The following AGBL1 variants were observed in gnomAD, a reference collection of about 807,000 sequenced individuals.
The protein encoded by AGBL1 is cytosolic carboxypeptidase 4.
AGBL1 carries 130 observed loss-of-function variants against 118.9 expected under a neutral mutation model. The ratio of observed to expected loss-of-function variants is 1.09; its 90% CI spans 0.95 to 1.26. The LOEUF is 1.26. Ranked by LOEUF, AGBL1 falls within the 50% of genes most tolerant of loss-of-function variation. The probability of loss-of-function intolerance (pLI) is 0.00; values close to 1 mark genes in which losing one functional copy is unlikely to be tolerated. For synonymous variants in AGBL1, 555 were observed against 478.9 expected, an observed-to-expected ratio of 1.16 and a Z score of -2.08; for missense variants, 1,584 against 1,298.1, an observed-to-expected ratio of 1.22 and a Z score of -3.38.
chr15:86,153,372 G>T (rs2077142444), intron 3 of AGBL1, among the ~76,000 whole-genome samples: 1 of 152,170 alleles, frequency 6.6e-6, no homozygotes, highest in Non-Finnish European at 1.5e-5. Flanking sequence ...GGACATGGAT[G>T]AAGCTGGAAA....
chr15:86,304,397 C>T (rs993624193), intron 17 of AGBL1, among the ~76,000 whole-genome samples: 10 of 152,152 alleles, frequency 6.6e-5, no homozygotes, highest in African/African-American at 1.2e-4. Flanking sequence ...GAAGTCTTCC[C>T]GGATCATGAT....
chr15:86,881,014 C>T (rs558511451), intron 22 of AGBL1, among the ~76,000 whole-genome samples: 1 of 152,092 alleles, frequency 6.6e-6, no homozygotes, highest in African/African-American at 2.4e-5. Context: ...AGTGCTAGCT[C>T]AGTGTCTGCA....
At chr15:86,726,003 A>G (rs1718270733) in intron 22 of AGBL1, among the ~76,000 whole-genome samples, 1 of 152,192 alleles carries the variant, frequency 6.6e-6, no homozygotes, top group Non-Finnish European at 1.5e-5. Context: ...AAAAGATGGT[A>G]TTTTGTTCAA....
rs150020439 is a variant in AGBL1 at position 86,536,490 on chromosome 15, T to C, written c.2686-9512T>C. ...CACACCTGGCTAATTTTTGTATTTTTAGTAGAAACGGGGTTTCACCATGTT... is the reference window on the plus strand; with the variant it reads ...CACACCTGGCTAATTTTTGTATTTTCAGTAGAAACGGGGTTTCACCATGTT... On this transcript the variant is annotated intron_variant, in intron 19 of 22. Coordinates refer to ENST00000614907, the MANE Select transcript of AGBL1 (RefSeq NM_001386094.1). Among the ~76,000 whole-genome samples, 1,404 of 152,254 alleles carry C rather than the reference T, an allele frequency of 9.2e-3. 25 individuals carry two copies. Among genetic ancestry groups the C allele is most frequent in the African/African-American group, 0.032 (1,311 of 41,536 alleles).
intron 17 of AGBL1, among the ~76,000 whole-genome samples, chr15:86,334,180 A>C (rs2141868701): frequency 6.6e-6 from 1 of 152,318 alleles, no homozygotes; most frequent in South Asian, 2.1e-4. Context: ...TCCCAGCCAG[A>C]GCATTCAGGC....
intron 1 of AGBL1, among the ~76,000 whole-genome samples, chr15:86,112,938 C>G (rs1301842281): frequency 2.6e-5 from 4 of 152,056 alleles, no homozygotes; most frequent in Non-Finnish European, 4.4e-5. Context: ...GAAAGTTTTA[C>G]TTTAGGAAAA....
chr15:86,960,735 T>C (rs2080984478), intron 23 of AGBL1, among the ~76,000 whole-genome samples: 1 of 151,990 alleles, frequency 6.6e-6, no homozygotes, highest in Non-Finnish European at 1.5e-5. Flanking sequence ...CATCCATCAA[T>C]GGACACTTAG....
chr15:86,492,014 A>G (rs1009147585), intron 18 of AGBL1, among the ~76,000 whole-genome samples: 19 of 152,034 alleles, frequency 1.2e-4, no homozygotes, highest in Admixed American at 1.0e-3. Context: ...AGTTGATTTT[A>G]CCTTCATTTT....
chr15:86,094,569 T>C (rs1896234434), intron 1 of AGBL1, among the ~76,000 whole-genome samples: 1 of 152,094 alleles, frequency 6.6e-6, no homozygotes, highest in Non-Finnish European at 1.5e-5. Flanking sequence ...TGATCTGCAA[T>C]GTAGTCACAA....
intron 21 of AGBL1, among the ~76,000 whole-genome samples, chr15:86,595,952 T>C: frequency 6.6e-6 from 1 of 152,032 alleles, no homozygotes; most frequent in Non-Finnish European, 1.5e-5. Flanking sequence ...CATGCATCCC[T>C]GTGGAGTTAG....
chr15:86,610,395 T>G (rs1420618486), intron 21 of AGBL1, among the ~76,000 whole-genome samples: 1 of 152,180 alleles, frequency 6.6e-6, no homozygotes, highest in African/African-American at 2.4e-5. Context: ...AATTAAAATT[T>G]TTAGCATGTG....
chr15:86,749,218 T>C (rs1268945497), intron 22 of AGBL1, among the ~76,000 whole-genome samples: 1 of 152,168 alleles, frequency 6.6e-6, no homozygotes, highest in African/African-American at 2.4e-5. Context: ...CTTGAAGAGG[T>C]CCTTCACATC....
intron 22 of AGBL1, among the ~76,000 whole-genome samples, chr15:86,809,207 T>C (rs1352249404): frequency 6.6e-6 from 1 of 152,148 alleles, no homozygotes; most frequent in Non-Finnish European, 1.5e-5. Flanking sequence ...TGATTCATTC[T>C]AATTTGAATG....
chr15:86,705,352 A>T (rs2142661573), intron 22 of AGBL1, among the ~76,000 whole-genome samples: 1 of 152,312 alleles, frequency 6.6e-6, no homozygotes, highest in African/African-American at 2.4e-5. Flanking sequence ...AGTCTTGGGT[A>T]TGTCTTTATT....
intron 21 of AGBL1, among the ~76,000 whole-genome samples, chr15:86,622,646 G>T (rs2084829378): frequency 1.3e-5 from 2 of 152,230 alleles, no homozygotes; most frequent in African/African-American, 4.8e-5. Context: ...GTCATCCCAT[G>T]CAAGGGACTG....
chr15:86,768,906 G>T (rs115020218), intron 22 of AGBL1, among the ~76,000 whole-genome samples: 2,797 of 152,066 alleles, frequency 0.018, 91 homozygotes, highest in African/African-American at 0.064. Context: ...TGTTTGAAGA[G>T]ATTAGATATT....
chr15:86,600,835 A>G (rs536744309), intron 21 of AGBL1, among the ~76,000 whole-genome samples: 1 of 152,300 alleles, frequency 6.6e-6, no homozygotes, highest in African/African-American at 2.4e-5. Flanking sequence ...TCAGTGGCAC[A>G]GTTCCAAAGC....
At chr15:86,595,823 G>T (rs2084397728) in intron 21 of AGBL1, among the ~76,000 whole-genome samples, 1 of 152,064 alleles carries the variant, frequency 6.6e-6, no homozygotes, top group South Asian at 2.1e-4. Flanking sequence ...TTGATGGGCA[G>T]GGGGCAAGGG....
chr15:86,822,046 G>C (rs927427897), intron 22 of AGBL1, among the ~76,000 whole-genome samples: 2 of 152,216 alleles, frequency 1.3e-5, no homozygotes, highest in African/African-American at 4.8e-5. Flanking sequence ...TGTGTGCACA[G>C]TACCTGTTCA....
Sources: gnomAD v4.1 joint callset for allele counts (sites outside exome capture counted in the v4.1 genomes callset) on GRCh38, gnomAD v4.1.1 for gene constraint, MANE v1.5 for transcripts, NCBI Gene and HGNC (gene_info 2026-07-23, HGNC 2026-07-21) for gene names.